SLC27A2: variants seen among roughly 807,000 people sequenced by gnomAD.
SLC27A2 encodes the protein long-chain fatty acid transport protein 2.
SLC27A2 carries 54 observed loss-of-function variants against 60.0 expected under a neutral mutation model. The ratio of observed to expected loss-of-function variants is 0.90; its 90% CI spans 0.72 to 1.13. The LOEUF (loss-of-function observed/expected upper bound fraction) is 1.13. Ranked by LOEUF, SLC27A2 falls within the 50% of genes most tolerant of loss-of-function variation. The pLI is 0.00. For missense variants in SLC27A2, 739 were observed against 777.6 expected (o/e 0.95, Z 0.59); for synonymous variants, 297 against 297.6 (o/e 1.00, Z 0.02).
chr15:50,184,656 C>T (rs2044904864), intron 1 of SLC27A2, among the ~76,000 whole-genome samples: 1 of 151,160 alleles, frequency 6.6e-6, no homozygotes, highest in South Asian at 2.1e-4. Context: ...GCCAACATAG[C>T]AAAAACCCCG....
intron 1 of SLC27A2, among the ~76,000 whole-genome samples, chr15:50,195,311 G>GCAAA (rs1168173780): frequency 9.0e-6 from 1 of 110,998 alleles, no homozygotes; most frequent in African/African-American, 3.2e-5. Flanking sequence ...CTAAAAATAT[G>GCAAA]AAAAAAAAAA....
intron 1 of SLC27A2, among the ~76,000 whole-genome samples, chr15:50,190,027 C>T (rs982992087): frequency 1.3e-5 from 2 of 152,112 alleles, no homozygotes; most frequent in Non-Finnish European, 2.9e-5. Flanking sequence ...TTTGCTTACT[C>T]CTGGTGGAAC....
At chr15:50,194,203 G>A (rs1648350) in intron 1 of SLC27A2, among the ~76,000 whole-genome samples, 112,341 of 152,020 alleles carry the variant, frequency 0.74, 42,041 homozygotes, top group East Asian at 0.81. Flanking sequence ...CCTGATAATT[G>A]TAAATACGGG....
At chr15:50,209,398 G>T (rs928016321) in intron 4 of SLC27A2, among the ~76,000 whole-genome samples, 2 of 152,238 alleles carry the variant, frequency 1.3e-5, no homozygotes, top group East Asian at 3.9e-4. Context: ...AGGAAGGTTC[G>T]CCAGGGAAGG....
At chr15:50,234,157 A>G (rs139113727) in intron 9 of SLC27A2, among the ~76,000 whole-genome samples, 159 bp downstream of exon 9, 2 of 152,310 alleles carry the variant, frequency 1.3e-5, no homozygotes, top group East Asian at 3.9e-4. Flanking sequence ...AGGAAGTGGT[A>G]ATATCAGGCT....
At position 50,201,709 on chromosome 15, in the gene SLC27A2, C is replaced by T. The variant is rs111314671; in HGVS notation, c.689-778C>T. On this transcript the variant is annotated intron_variant, in intron 2 of 9. Coordinates refer to ENST00000267842, the MANE Select transcript of SLC27A2 (RefSeq NM_003645.4). Reference sequence around the variant, plus strand: ...TAGCTAGGACTATAGGCACCCACCACCACGCCCGGCTAATTTTTTGTATTT... The same window carrying T: ...TAGCTAGGACTATAGGCACCCACCATCACGCCCGGCTAATTTTTTGTATTT... 6.1e-3 allele frequency among the ~76,000 whole-genome samples: 929 copies of T among 152,132 alleles called. 2 individuals carry two copies. Among genetic ancestry groups the T allele is most frequent in the South Asian group, 0.013 (62 of 4,818 alleles).
chr15:50,197,065 A>G, intron 1 of SLC27A2, among the ~76,000 whole-genome samples: 1 of 152,124 alleles, frequency 6.6e-6, no homozygotes, highest in East Asian at 1.9e-4. Flanking sequence ...CCATATGTCT[A>G]TTGGTTTGCA....
intron 4 of SLC27A2, among the ~76,000 whole-genome samples, chr15:50,222,398 G>A (rs2045249482): frequency 6.6e-6 from 1 of 152,092 alleles, no homozygotes; most frequent in Non-Finnish European, 1.5e-5. Flanking sequence ...CTCTTTAATG[G>A]CTTTGTGGAA....
chr15:50,188,967 A>G (rs1464478018), intron 1 of SLC27A2, among the ~76,000 whole-genome samples: 4 of 124,350 alleles, frequency 3.2e-5, no homozygotes, highest in Non-Finnish European at 5.0e-5. Context: ...AGATAGGTAG[A>G]TAGATAGATA....
chr15:50,183,994 C>CGTTTTTTT (rs2044897502), intron 1 of SLC27A2, among the ~76,000 whole-genome samples: 1 of 91,138 alleles, frequency 1.1e-5, no homozygotes, highest in African/African-American at 3.7e-5. Flanking sequence ...TTTCCTACAT[C>CGTTTTTTT]TTTTTTTTTT....
chr15:50,235,163 T>C (rs1392229454), intron 9 of SLC27A2, among the ~76,000 whole-genome samples: 4 of 152,218 alleles, frequency 2.6e-5, no homozygotes, highest in South Asian at 4.1e-4. Flanking sequence ...ATTCCAGATA[T>C]TGTGTGTATA....
At chr15:50,212,070 CA>C (rs1171050015) in intron 4 of SLC27A2, among the ~76,000 whole-genome samples, 211 of 48,542 alleles carry the variant, frequency 4.3e-3, no homozygotes, top group African/African-American at 0.011. Flanking sequence ...GACTCTGTCT[CA>C]AAAAAAAAAA....
chr15:50,207,996 A>T (rs1178935666), intron 4 of SLC27A2, among the ~76,000 whole-genome samples: 1 of 151,246 alleles, frequency 6.6e-6, no homozygotes, highest in East Asian at 1.9e-4. Flanking sequence ...TGAATGGGGG[A>T]AGGGCCTGGA....
At chr15:50,187,009 C>G (rs531182922) in intron 1 of SLC27A2, among the ~76,000 whole-genome samples, 5 of 152,272 alleles carry the variant, frequency 3.3e-5, no homozygotes, top group African/African-American at 1.2e-4. Context: ...ATGTAAAGGA[C>G]CAGCACAGAG....
intron 7 of SLC27A2, among the ~76,000 whole-genome samples, chr15:50,227,992 G>C (rs2045289151): frequency 6.6e-6 from 1 of 152,062 alleles, no homozygotes; most frequent in South Asian, 2.1e-4. Flanking sequence ...TGATTCTCAG[G>C]GTCCTTCCAT....
intron 4 of SLC27A2, among the ~76,000 whole-genome samples, chr15:50,206,248 A>G (rs2045110991): frequency 1.3e-5 from 2 of 152,128 alleles, no homozygotes; most frequent in Non-Finnish European, 2.9e-5. Context: ...GATCATCAAA[A>G]TGTCTCCAGA....
intron 1 of SLC27A2, among the ~76,000 whole-genome samples, chr15:50,186,116 C>G (rs2044920292): frequency 1.3e-5 from 2 of 151,950 alleles, no homozygotes; most frequent in Admixed American, 1.3e-4. Context: ...TGATGGTGAG[C>G]ACCTGTGGTC....
intron 1 of SLC27A2, among the ~76,000 whole-genome samples, chr15:50,183,390 G>A (rs1458383635): frequency 6.6e-6 from 1 of 152,088 alleles, no homozygotes; most frequent in Non-Finnish European, 1.5e-5. Flanking sequence ...TCTGTCCCTT[G>A]GTTTGCTCCT....
In SLC27A2 at chr15:50,205,272, C is replaced by T. The variant is rs778082663; in HGVS notation, c.881C>T (p.Ala294Val). ...CTTGCCTTGCGGACTAAATTTTCAG[C>T]CAGCCAGTTTTGGGATGACTGCAGA... ...ATLALRTKFS[A>V]SQFWDDCRKY... Residue 294 changes from alanine (A) to valine (V), a missense_variant, in exon 4 of 10, where the codon GCC becomes GTC. Coordinates refer to ENST00000267842, the MANE Select transcript of SLC27A2 (RefSeq NM_003645.4). 6.2e-7 allele frequency: 1 copy of T among 1,606,934 alleles called. No homozygotes were observed. The highest frequency in any genetic ancestry group is 8.5e-7 in the Non-Finnish European group (1 of 1,175,520).
Sources: gnomAD v4.1 joint callset for allele counts (sites outside exome capture counted in the v4.1 genomes callset) on GRCh38, gnomAD v4.1.1 for gene constraint, MANE v1.5 for transcripts, NCBI Gene and HGNC (gene_info 2026-07-23, HGNC 2026-07-21) for gene names.